MBP: variants seen among roughly 807,000 people sequenced by gnomAD.
MBP encodes Golli-MBP.
In MBP, 16 loss-of-function variants were observed where a neutral mutation model predicts 35.8. The ratio of observed to expected loss-of-function variants is 0.45; its 90% confidence interval spans 0.30 to 0.68. The LOEUF (loss-of-function observed/expected upper bound fraction) is 0.68. Among genes scored for constraint, MBP ranks in the 30% least tolerant of loss-of-function variants. MBP has a pLI of 0.08. For missense variants in MBP, 380 were observed against 404.7 expected, an observed-to-expected ratio of 0.94 and a Z score of 0.52; for synonymous variants, 143 against 159.6, an observed-to-expected ratio of 0.90 and a Z score of 0.78.
Position 77,128,556 on chromosome 18 carries a change from A to C in MBP, c.-26+4024T>G, listed in dbSNP as rs181423463. 1.6e-3 allele frequency among the ~76,000 whole-genome samples: 213 copies of C among 136,762 alleles called. 2 individuals are homozygous for C. In the South Asian group the frequency reaches 0.022, roughly 14 times the overall value. The allele number at this position is 136,762 out of a possible 152,430, so 89.7% of individuals were successfully genotyped here. On this transcript the variant is annotated intron_variant, in intron 1 of 8. Transcript: ENST00000355994. ...ACACACACACACACACACACAGAGC[A>C]GTCTATAAAATGAGTACATGTAAAC...
intron 4 of MBP, chr18:77,015,114 G>A (rs1971554209): frequency 5.1e-6 from 5 of 982,912 alleles, no homozygotes; most frequent in Non-Finnish European, 6.0e-6. Flanking sequence ...AAACATCTAT[G>A]TGTGTCAATA....
intron 3 of MBP, among the ~76,000 whole-genome samples, chr18:77,059,527 CATT>C (rs1295029169): frequency 1.3e-5 from 2 of 151,186 alleles, no homozygotes; most frequent in African/African-American, 4.9e-5. Flanking sequence ...ACCTTAATTA[CATT>C]ATTAAAATTA....
In MBP at chr18:76,988,646, C is replaced by T. The variant is rs968816821; in HGVS notation, c.718-119G>A. 41 of 1,508,278 alleles carry T rather than the reference C, an allele frequency of 2.7e-5. No individual in the cohort carries two copies. Among genetic ancestry groups the T allele is most frequent in the African/African-American group, 1.3e-4 (9 of 71,856 alleles). 93.4% of individuals were successfully genotyped at this position (1,508,278 alleles called of 1,614,324 possible). ...TGAGGTGGTAAAAACAGGTTCCACCCGGAGCTCCGAGGGGGGCCGCAGGCT... is the reference window on the plus strand; with the variant it reads ...TGAGGTGGTAAAAACAGGTTCCACCTGGAGCTCCGAGGGGGGCCGCAGGCT... On this transcript the variant is annotated intron_variant, in intron 6 of 8. Transcript: ENST00000355994. The surrounding 1 kb of genome is among the most constrained non-coding windows in gnomAD (Gnocchi z 5.2).
chr18:77,088,247 C>T (rs1410935442), intron 2 of MBP, among the ~76,000 whole-genome samples: 2 of 152,148 alleles, frequency 1.3e-5, no homozygotes, highest in Non-Finnish European at 2.9e-5. Context: ...GTGAGGGCCC[C>T]GGGCATCCCT....
intron 3 of MBP, among the ~76,000 whole-genome samples, chr18:77,039,911 C>T (rs766611785): frequency 6.6e-5 from 10 of 152,236 alleles, no homozygotes; most frequent in Non-Finnish European, 1.5e-4. Context: ...GCCAGGACCT[C>T]TGAGTCAGGG....
intron 4 of MBP, chr18:77,005,986 G>C (rs1007643393): frequency 1.3e-5 from 2 of 152,316 alleles, no homozygotes; most frequent in Non-Finnish European, 2.9e-5. Flanking sequence ...TGTTTCACAG[G>C]AGAGGGAAGG....
At chr18:77,070,447 G>A (rs979894457) in intron 2 of MBP, among the ~76,000 whole-genome samples, 2 of 152,192 alleles carry the variant, frequency 1.3e-5, no homozygotes, top group African/African-American at 4.8e-5. Flanking sequence ...GCCCCAGGAA[G>A]GGAACACATT....
In MBP at chr18:77,131,149, C is replaced by G. The variant is rs1458462373; in HGVS notation, c.-26+1431G>C. Reference sequence around the variant, plus strand: ...CTCTGCCGCGGTACCCTTCCCCTGGCCTTCCTCCACTGAAGGGCGGCTGGG... The same window carrying G: ...CTCTGCCGCGGTACCCTTCCCCTGGGCTTCCTCCACTGAAGGGCGGCTGGG... On this transcript the variant is annotated intron_variant, in intron 1 of 8. Transcript: ENST00000355994. The surrounding 1 kb of genome is among the most constrained non-coding windows in gnomAD (Gnocchi z 5.5). 1.3e-5 allele frequency among the ~76,000 whole-genome samples: 2 copies of G among 151,202 alleles called. No individual in the cohort carries two copies. Among genetic ancestry groups the G allele is most frequent in the African/African-American group, 4.9e-5 (2 of 41,084 alleles).
At chr18:77,058,493 C>T (rs956824206) in intron 3 of MBP, among the ~76,000 whole-genome samples, 4 of 152,120 alleles carry the variant, frequency 2.6e-5, no homozygotes, top group African/African-American at 4.8e-5. Context: ...GGCCCGGGCA[C>T]GACCCCAGCC....
At chr18:77,109,733 C>G (rs1976389579) in intron 1 of MBP, 1 of 152,166 alleles carries the variant, frequency 6.6e-6, no homozygotes, top group South Asian at 2.1e-4. Context: ...ATGTCAGGTG[C>G]CATAATGCAA....
rs538664587 is a variant in MBP, at chr18:76,989,738, C to A, written c.681+218G>T. 32 of 534,068 alleles carry A rather than the reference C, an allele frequency of 6.0e-5. No individual in the cohort carries two copies. The East Asian group carries it at 1.1e-3, about 18-fold the overall frequency. 33.1% of individuals were successfully genotyped at this position (534,068 alleles called of 1,614,324 possible). A position where few individuals can be genotyped will look rare whatever the true frequency, so the allele number is the denominator to read the frequency against. Reference sequence around the variant, plus strand: ...AGAGAAGTGAGCTCTCTGGAGAACGCACGGAGCGCACGGTGCAATCCGTGG... The same window carrying A: ...AGAGAAGTGAGCTCTCTGGAGAACGAACGGAGCGCACGGTGCAATCCGTGG... On this transcript the variant is annotated intron_variant, in intron 5 of 8. Transcript: ENST00000355994. This position sits in a 1 kb window ranked among gnomAD's most constrained non-coding sequence, Gnocchi z 4.0.
chr18:77,041,572 T>C (rs560197998), intron 3 of MBP, among the ~76,000 whole-genome samples: 1 of 152,094 alleles, frequency 6.6e-6, no homozygotes, highest in Non-Finnish European at 1.5e-5. Flanking sequence ...ATGTGGCACA[T>C]ATACACCATG....
chr18:77,082,264 A>G (rs1568330452), intron 2 of MBP, among the ~76,000 whole-genome samples: 1 of 152,232 alleles, frequency 6.6e-6, no homozygotes, highest in Non-Finnish European at 1.5e-5. Context: ...TTATTCAGCA[A>G]TAAAAAGGAA....
chr18:77,106,512 A>G (rs1976283386), intron 1 of MBP, among the ~76,000 whole-genome samples: 1 of 152,122 alleles, frequency 6.6e-6, no homozygotes, highest in Non-Finnish European at 1.5e-5. Context: ...CTAGCAGCCG[A>G]CCACAGACTG....
At chr18:77,084,020 T>TC (rs59111832) in intron 2 of MBP, among the ~76,000 whole-genome samples, 2 of 148,722 alleles carry the variant, frequency 1.3e-5, no homozygotes, top group East Asian at 3.9e-4. Context: ...TTTTTTTTTT[T>TC]AAAAAACCCA....
At position 77,105,266 on chromosome 18, in the gene MBP, A is replaced by G. The variant is rs761422601; in HGVS notation, c.-5T>C. The G allele has an allele frequency of 2.5e-6, 4 of 1,611,262 alleles. No homozygotes were observed. In the Admixed American group the frequency reaches 6.7e-5, roughly 27 times the overall value. On this transcript the variant is annotated 5_prime_UTR_variant, in exon 2 of 9. Coordinates refer to ENST00000355994, the MANE Select transcript of MBP (RefSeq NM_001025101.2). The stretch of plus-strand genomic sequence containing the variant: ...TTTGCCTGCGTGGTTTCCCATCCTG[A>G]ATGGATTGGCTCTTCAGAGGCTAAA...
At chr18:77,015,170 A>AT in intron 4 of MBP, 7 of 985,108 alleles carry the variant, frequency 7.1e-6, no homozygotes, top group Non-Finnish European at 8.4e-6. Context: ...TGCTTTCACC[A>AT]TTTTATTTCA....
chr18:77,063,219 T>C (rs1448404024), intron 3 of MBP, among the ~76,000 whole-genome samples: 2 of 152,206 alleles, frequency 1.3e-5, no homozygotes, highest in African/African-American at 4.8e-5. Flanking sequence ...TTCTTTTCCT[T>C]CAGCACTCTG....
chr18:77,001,347 C>T (rs545002890), intron 4 of MBP, among the ~76,000 whole-genome samples: 14 of 151,910 alleles, frequency 9.2e-5, no homozygotes, highest in Non-Finnish European at 1.5e-4. Flanking sequence ...GTAGATACAC[C>T]TACCCAGAAG....
Sources: gnomAD v4.1 joint callset for allele counts (sites outside exome capture counted in the v4.1 genomes callset) on GRCh38, gnomAD v4.1.1 for gene constraint, Gnocchi (gnomAD v3.1) non-coding constraint, MANE v1.5 for transcripts, NCBI Gene and HGNC (gene_info 2026-07-23, HGNC 2026-07-21) for gene names.